DLG5: variants seen among roughly 807,000 people sequenced by gnomAD.
DLG5 encodes the protein discs large MAGUK scaffold protein 5.
DLG5 carries 48 observed loss-of-function variants against 189.8 expected under a neutral mutation model. That is an observed-to-expected ratio of 0.25 (90% CI 0.20 to 0.32). The LOEUF (loss-of-function observed/expected upper bound fraction) is 0.32, where lower values mean the gene tolerates loss of function less well. Among genes scored for constraint, DLG5 ranks in the 10% least tolerant of loss-of-function variants. The pLI is 1.00. For missense variants in DLG5, 2,160 were observed against 2,544.7 expected, an observed-to-expected ratio of 0.85 and a Z score of 3.25; for synonymous variants, 1,016 against 1,054.1, an observed-to-expected ratio of 0.96 and a Z score of 0.70.
intron 8 of DLG5, among the ~76,000 whole-genome samples, chr10:77,834,709 C>T (rs1564529619): frequency 6.6e-6 from 1 of 152,120 alleles, no homozygotes; most frequent in Non-Finnish European, 1.5e-5. Flanking sequence ...TCCTACCTCT[C>T]CACAGCCTCG....
chr10:77,883,768 C>T (rs1264461653), intron 1 of DLG5, among the ~76,000 whole-genome samples: 1 of 141,930 alleles, frequency 7.0e-6, no homozygotes, highest in African/African-American at 2.7e-5. Flanking sequence ...GTGATCTCAG[C>T]TCACTGCAAC....
Position 77,856,797 on chromosome 10 carries a change from T to G in DLG5, c.469A>C (p.Thr157Pro). The change falls in exon 3 of 32, where the codon ACC (threonine) becomes CCC (proline). Residue 157 changes from threonine (T) to proline (P), a missense_variant. Coordinates refer to ENST00000372391, the MANE Select transcript of DLG5 (RefSeq NM_004747.4). ...ENLSIQLRLM[T>P]RERNELRKRL... Reference sequence around the variant, plus strand: ...TTGCGGAGCTCGTTTCTCTCCCGGGTCATCAGCCGCAGCTGAATGGAGAGG... The same window carrying G: ...TTGCGGAGCTCGTTTCTCTCCCGGGGCATCAGCCGCAGCTGAATGGAGAGG... 1 of 1,613,360 alleles carries G rather than the reference T, an allele frequency of 6.2e-7. No homozygotes were observed. The highest frequency in any genetic ancestry group is 8.5e-7 in the Non-Finnish European group (1 of 1,179,996).
intron 27 of DLG5, among the ~76,000 whole-genome samples, chr10:77,797,041 T>C (rs1840961384): frequency 6.6e-6 from 1 of 152,180 alleles, no homozygotes; most frequent in South Asian, 2.1e-4. Flanking sequence ...AGGTGAGTGC[T>C]GTGAGCCAGC....
intron 1 of DLG5, among the ~76,000 whole-genome samples, chr10:77,912,803 C>G (rs1046861872): frequency 6.6e-6 from 1 of 152,214 alleles, no homozygotes; most frequent in African/African-American, 2.4e-5. Context: ...CTCACCACCC[C>G]AGCTCAGCTC....
intron 20 of DLG5, chr10:77,816,012 A>G: frequency 4.7e-6 from 2 of 424,230 alleles, no homozygotes; most frequent in Admixed American, 5.1e-5. Context: ...ACCAGTAAAA[A>G]GCTAGGCTGC....
chr10:77,924,096 C>T (rs1400882253), intron 1 of DLG5, among the ~76,000 whole-genome samples: 1 of 152,162 alleles, frequency 6.6e-6, no homozygotes, highest in African/African-American at 2.4e-5. Context: ...AACTCCTGGC[C>T]TTAAGAGATC....
intron 9 of DLG5, 74 bp downstream of exon 9, chr10:77,833,840 C>A: frequency 6.3e-7 from 1 of 1,576,650 alleles, no homozygotes; most frequent in Non-Finnish European, 8.6e-7. Context: ...CTCAGCATTG[C>A]CTTGCCCAGA....
chr10:77,849,154 C>T (rs1170721136), intron 5 of DLG5, among the ~76,000 whole-genome samples: 1 of 152,198 alleles, frequency 6.6e-6, no homozygotes, highest in East Asian at 1.9e-4. Context: ...CCTAGGGCTG[C>T]CTCATTTCCT....
rs531218525 is a variant in DLG5 at position 77,843,195 on chromosome 10, G to A, written c.1124+252C>T. ...CACAGCAGACCCGAGATTTCTACAC[G>A]CTCAGAAAGGCCCGCTTGCAAGGCT... On this transcript the variant is annotated intron_variant, in intron 6 of 31. Transcript: ENST00000372391. 6.6e-5 allele frequency among the ~76,000 whole-genome samples: 10 copies of A among 152,220 alleles called. 1 individual carries two copies. Among genetic ancestry groups the A allele is most frequent in the African/African-American group, 9.6e-5 (4 of 41,542 alleles).
intron 1 of DLG5, among the ~76,000 whole-genome samples, chr10:77,890,058 G>A (rs1372039262): frequency 6.6e-6 from 1 of 152,154 alleles, no homozygotes; most frequent in Non-Finnish European, 1.5e-5. Context: ...AAATGTGGAA[G>A]GCAGGGAAGA....
Position 77,806,600 on chromosome 10 carries a change from A to G in DLG5, c.4967+158T>C, listed in dbSNP as rs377026541. Among the ~76,000 whole-genome samples, 328 of 152,312 alleles carry G rather than the reference A, an allele frequency of 2.2e-3. 1 individual carries two copies. Among genetic ancestry groups the G allele is most frequent in the African/African-American group, 7.4e-3 (307 of 41,562 alleles). ...CACACTAGGAGCAGCTTTTTAGACC[A>G]GCACTTTTGGCAAAATGTAGAGAGC... On this transcript the variant is annotated intron_variant, in intron 26 of 31. Transcript: ENST00000372391.
At chr10:77,880,063 C>A in intron 1 of DLG5, among the ~76,000 whole-genome samples, 1 of 152,106 alleles carries the variant, frequency 6.6e-6, no homozygotes, top group East Asian at 1.9e-4. Context: ...AAGGAATGAA[C>A]CTGAGCATGC....
At chr10:77,872,397 T>C (rs1476843450) in intron 1 of DLG5, among the ~76,000 whole-genome samples, 3 of 152,210 alleles carry the variant, frequency 2.0e-5, no homozygotes, top group Non-Finnish European at 2.9e-5. Flanking sequence ...GTTCTGTTCC[T>C]CTTCCCTGTC....
intron 2 of DLG5, among the ~76,000 whole-genome samples, chr10:77,859,065 G>A (rs183102465): frequency 2.2e-4 from 34 of 152,068 alleles, no homozygotes; most frequent in East Asian, 1.6e-3. Flanking sequence ...TGTTAGAGAC[G>A]GGGTATCGCT....
At chr10:77,911,611 G>A (rs929269834) in intron 1 of DLG5, among the ~76,000 whole-genome samples, 4 of 152,070 alleles carry the variant, frequency 2.6e-5, no homozygotes, top group Non-Finnish European at 4.4e-5. Context: ...GAGCCAGGGA[G>A]GTACCATTCA....
At chr10:77,826,477 A>T (rs1842645839) in intron 13 of DLG5, among the ~76,000 whole-genome samples, 1 of 152,088 alleles carries the variant, frequency 6.6e-6, no homozygotes. Flanking sequence ...AAATACAAAA[A>T]AACTAGCAGG....
intron 11 of DLG5, among the ~76,000 whole-genome samples, chr10:77,829,886 T>TA (rs1194930994): frequency 6.6e-6 from 1 of 152,236 alleles, no homozygotes; most frequent in Non-Finnish European, 1.5e-5. Context: ...AGCACTGTAA[T>TA]AGTGTTAGCT....
In DLG5 at chr10:77,796,114, T is replaced by C; in HGVS notation, c.5383A>G (p.Ser1795Gly). The change falls in exon 29 of 32, where the codon AGC becomes GGC. Residue 1795 changes from serine to glycine, a missense_variant. Coordinates refer to ENST00000372391, the MANE Select transcript of DLG5 (RefSeq NM_004747.4). The surrounding 1 kb of genome is among the most constrained non-coding windows in gnomAD (Gnocchi z 5.2). ...DCLFVDYKRR[S>G]GHFDVTTVAS... ...ACAGTGGTCACATCGAAATGGCCGC[T>C]TCTCCGCTTATAGTCGACAAACAGG... 6.2e-7 allele frequency: 1 copy of C among 1,614,218 alleles called. No individual in the cohort carries two copies.
chr10:77,895,010 G>A (rs370878434), intron 1 of DLG5, among the ~76,000 whole-genome samples: 2 of 152,162 alleles, frequency 1.3e-5, no homozygotes, highest in Admixed American at 1.3e-4. Context: ...TTGGAACTTC[G>A]ATACAACCTT....
Sources: gnomAD v4.1 joint callset for allele counts (sites outside exome capture counted in the v4.1 genomes callset) on GRCh38, gnomAD v4.1.1 for gene constraint, Gnocchi (gnomAD v3.1) non-coding constraint, MANE v1.5 for transcripts, NCBI Gene and HGNC (gene_info 2026-07-23, HGNC 2026-07-21) for gene names.